The following MUSK variants were observed in gnomAD, a reference collection of about 807,000 sequenced individuals.
MUSK encodes muscle, skeletal receptor tyrosine-protein kinase.
MUSK carries 55 observed loss-of-function variants against 88.7 expected under a neutral mutation model. The ratio of observed to expected loss-of-function variants is 0.62; its 90% CI spans 0.50 to 0.78. MUSK has a LOEUF of 0.78. MUSK is among the 30% of genes least tolerant of loss of function. MUSK has a pLI of 0.00. For synonymous variants in MUSK, 387 were observed against 391.9 expected, an observed-to-expected ratio of 0.99 and a Z score of 0.15; for missense variants, 1,015 against 1,074.3, an observed-to-expected ratio of 0.94 and a Z score of 0.77.
chr9:110,800,384 G>A lies in MUSK; in HGVS notation c.2006G>A (p.Ser669Asn), dbSNP rs990106131. The stretch of plus-strand genomic sequence containing the variant: ...GGTGACCTCAATGAGTTCCTCCGCA[G>A]CATGTCCCCTCACACCGTGTGCAGC... ...AYGDLNEFLR[S>N]MSPHTVCSLS... Residue 669 changes from serine (S) to asparagine (N), a missense_variant, in exon 15 of 15, where the codon AGC (serine) becomes AAC (asparagine). Coordinates refer to ENST00000374448, the MANE Select transcript of MUSK (RefSeq NM_005592.4). 1 of 1,613,708 alleles carries A rather than the reference G, an allele frequency of 6.2e-7. No individual in the cohort carries two copies. The highest frequency in any genetic ancestry group is 1.7e-5 in the Admixed American group (1 of 59,988).
rs150276939 is a variant in MUSK, at chr9:110,681,235, A to C, written c.80-1439A>C. Among the ~76,000 whole-genome samples the C allele has an allele frequency of 6.2e-3, 842 of 135,166 alleles. 6 individuals carry two copies. The highest frequency in any genetic ancestry group is 0.022 in the African/African-American group (803 of 36,012). The allele number at this position is 135,166 out of a possible 152,430, so 88.7% of individuals were successfully genotyped here. ...ATGATTATTCTGTTGAAAAGCTGGG[A>C]AGAAAGTGGCCCTGATGACTGTGTA... On this transcript the variant is annotated intron_variant, in intron 1 of 14. Transcript: ENST00000374448.
At chr9:110,735,502 A>T (rs1266864823) in intron 6 of MUSK, among the ~76,000 whole-genome samples, 1 of 152,114 alleles carries the variant, frequency 6.6e-6, no homozygotes, top group Non-Finnish European at 1.5e-5. Flanking sequence ...TAACTAAAAA[A>T]ATTGATCTCA....
rs1241187934 is a variant in MUSK, at chr9:110,803,089, A to G, written c.*2101A>G. ...TGTATGCTCTGCAAAATTCAAAGAC[A>G]GCTTCGGGCTTTCTCCGCTGATAAA... On this transcript the variant is annotated 3_prime_UTR_variant, in exon 15 of 15. Coordinates refer to ENST00000374448, the MANE Select transcript of MUSK (RefSeq NM_005592.4). 6.6e-6 allele frequency among the ~76,000 whole-genome samples: 1 copy of G among 152,230 alleles called. No individual in the cohort carries two copies. The highest frequency in any genetic ancestry group is 2.4e-5 in the African/African-American group (1 of 41,468).
At chr9:110,755,983 T>TATATATATATAA (rs201633322) in intron 7 of MUSK, among the ~76,000 whole-genome samples, 1 of 127,050 alleles carries the variant, frequency 7.9e-6, no homozygotes, top group Non-Finnish European at 1.6e-5. Flanking sequence ...TATATACATA[T>TATATATATATAA]ATATATATAT....
At position 110,800,605 on chromosome 9, in the gene MUSK, G is replaced by C. The variant is rs750605786; in HGVS notation, c.2227G>C (p.Asp743His). The C allele has an allele frequency of 6.2e-7, 1 of 1,613,482 alleles. No individual in the cohort carries two copies. ...CGAGAACATGGTGGTGAAAATTGCC[G>C]ACTTTGGCCTCTCCAGGAACATCTA... ...VGENMVVKIADFGLSRNIYSA... is the reference protein window; with the variant it reads ...VGENMVVKIAHFGLSRNIYSA... The change falls in exon 15 of 15, where the codon GAC (aspartate) becomes CAC (histidine). Residue 743 changes from aspartate (D) to histidine (H), a missense_variant. Coordinates refer to ENST00000374448, the MANE Select transcript of MUSK (RefSeq NM_005592.4).
At chr9:110,729,597 G>A (rs1244892724) in intron 5 of MUSK, among the ~76,000 whole-genome samples, 3 of 151,722 alleles carry the variant, frequency 2.0e-5, no homozygotes, top group Non-Finnish European at 2.9e-5. Context: ...AGGTAAAAAA[G>A]CATTTTACCT....
chr9:110,696,912 T>A (rs911102582), intron 4 of MUSK, among the ~76,000 whole-genome samples: 10 of 151,838 alleles, frequency 6.6e-5, no homozygotes, highest in Non-Finnish European at 2.9e-5. Context: ...CTGTACATTA[T>A]ACCCAGTATA....
Position 110,803,829 on chromosome 9 carries a change from T to C in MUSK, c.*2841T>C, listed in dbSNP as rs2078126195. Among the ~76,000 whole-genome samples, 1 of 152,146 alleles carries C rather than the reference T, an allele frequency of 6.6e-6. No individual in the cohort carries two copies. Among genetic ancestry groups the C allele is most frequent in the South Asian group, 2.1e-4 (1 of 4,824 alleles). Reference sequence around the variant, plus strand: ...CACCAATATTGTTTACTTTTTTAAATAAGATTTTTTTTCATGGTAGAATCA... The same window carrying C: ...CACCAATATTGTTTACTTTTTTAAACAAGATTTTTTTTCATGGTAGAATCA... On this transcript the variant is annotated 3_prime_UTR_variant, in exon 15 of 15. Coordinates refer to ENST00000374448, the MANE Select transcript of MUSK (RefSeq NM_005592.4).
At chr9:110,716,553 A>G (rs769047434) in intron 5 of MUSK, among the ~76,000 whole-genome samples, 5 of 150,060 alleles carry the variant, frequency 3.3e-5, no homozygotes, top group Non-Finnish European at 7.4e-5. Context: ...ATATTGTACC[A>G]GAATACCAAA....
intron 11 of MUSK, among the ~76,000 whole-genome samples, chr9:110,780,174 G>A (rs151149642): frequency 1.3e-3 from 203 of 151,964 alleles, no homozygotes; most frequent in African/African-American, 3.7e-3. Flanking sequence ...TTTTCTATTC[G>A]CTTTACGTTT....
chr9:110,723,504 C>T (rs2076842812), intron 5 of MUSK, among the ~76,000 whole-genome samples: 1 of 151,964 alleles, frequency 6.6e-6, no homozygotes, highest in Admixed American at 6.6e-5. Flanking sequence ...GGATAAAAGA[C>T]TATATATTAC....
intron 3 of MUSK, among the ~76,000 whole-genome samples, chr9:110,692,783 A>G (rs1282660492): frequency 6.6e-6 from 1 of 152,088 alleles, no homozygotes; most frequent in East Asian, 1.9e-4. Context: ...TTAAGCTTCT[A>G]AGGATATCAC....
At chr9:110,694,998 A>C (rs1483578660) in intron 3 of MUSK, among the ~76,000 whole-genome samples, 1 of 152,088 alleles carries the variant, frequency 6.6e-6, no homozygotes, top group Non-Finnish European at 1.5e-5. Flanking sequence ...ATTTCTAACT[A>C]GGTAAGAATA....
rs760628267 is a variant in MUSK, at chr9:110,682,716, T to C, written c.122T>C (p.Val41Ala). The change falls in exon 2 of 15, where the codon GTT (valine) becomes GCT (alanine). Residue 41 changes from valine to alanine, a missense_variant. Coordinates refer to ENST00000374448, the MANE Select transcript of MUSK (RefSeq NM_005592.4). ...CCTCTTGAAACAGTGGATGCCTTAG[T>C]TGAAGAAGTGGCTACTTTCATGTGT... ...TTPLETVDAL[V>A]EEVATFMCAV... 5 of 1,612,922 alleles carry C rather than the reference T, an allele frequency of 3.1e-6. No individual in the cohort carries two copies. Among genetic ancestry groups the C allele is most frequent in the South Asian group, 1.1e-5 (1 of 91,038 alleles).
chr9:110,679,033 T>C (rs2076069424), intron 1 of MUSK, among the ~76,000 whole-genome samples: 1 of 152,108 alleles, frequency 6.6e-6, no homozygotes, highest in Non-Finnish European at 1.5e-5. Flanking sequence ...TATGTTTGAA[T>C]GTTTCATCTA....
intron 5 of MUSK, among the ~76,000 whole-genome samples, chr9:110,700,200 G>T (rs1046416617): frequency 1.3e-4 from 20 of 152,210 alleles, no homozygotes; most frequent in Admixed American, 3.3e-4. Flanking sequence ...ATTTTAAAAA[G>T]TTCCATTGAG....
At chr9:110,738,870 C>T (rs2077060075) in intron 6 of MUSK, among the ~76,000 whole-genome samples, 1 of 152,154 alleles carries the variant, frequency 6.6e-6, no homozygotes, top group Non-Finnish European at 1.5e-5. Context: ...ATGCATTTTC[C>T]TCAGGCTATC....
intron 5 of MUSK, 120 bp downstream of exon 5, chr9:110,697,586 A>G: frequency 7.7e-6 from 8 of 1,045,600 alleles, no homozygotes; most frequent in Non-Finnish European, 9.1e-6. Context: ...CAGTTGTTCC[A>G]GATATTAGGC....
chr9:110,690,347 T>A (rs1355033976), intron 3 of MUSK, among the ~76,000 whole-genome samples: 2 of 109,640 alleles, frequency 1.8e-5, no homozygotes, highest in Admixed American at 2.5e-4. Flanking sequence ...AGTATATATA[T>A]ATTTAAATAT....
Sources: allele counts gnomAD v4.1 joint callset (sites outside exome capture counted in the v4.1 genomes callset), GRCh38; gene constraint gnomAD v4.1.1; transcripts MANE v1.5; gene names NCBI Gene and HGNC (gene_info 2026-07-23, HGNC 2026-07-21).